The following MACROD2 variants were observed in gnomAD, a reference collection of about 807,000 sequenced individuals.
MACROD2 encodes mono-ADP ribosylhydrolase 2, also known as ADP-ribose glycohydrolase MACROD2.
Under a neutral mutation model 70.4 loss-of-function variants are expected in MACROD2, and 36 were observed. The observed-to-expected ratio is 0.51, with a 90% CI of 0.39 to 0.68. The LOEUF (loss-of-function observed/expected upper bound fraction) is 0.68. Among genes scored for constraint, MACROD2 ranks in the 30% least tolerant of loss-of-function variants. The pLI, the probability that MACROD2 is intolerant of heterozygous loss-of-function variation, is 0.00. For missense variants in MACROD2, 496 were observed against 538.4 expected (o/e 0.92, Z 0.78); for synonymous variants, 172 against 178.8 (o/e 0.96, Z 0.30).
intron 8 of MACROD2, among the ~76,000 whole-genome samples, chr20:15,774,297 T>C (rs181759903): frequency 6.6e-6 from 1 of 152,178 alleles, no homozygotes; most frequent in East Asian, 1.9e-4. Flanking sequence ...AAGAGAGTTA[T>C]GTTAATTGCT....
chr20:14,463,855 G>A (rs1216752267), intron 3 of MACROD2, among the ~76,000 whole-genome samples: 1 of 151,862 alleles, frequency 6.6e-6, no homozygotes, highest in African/African-American at 2.4e-5. Context: ...TTTGTATGTT[G>A]AACCAGCCTT....
At chr20:15,003,990 T>C (rs1406180091) in intron 5 of MACROD2, among the ~76,000 whole-genome samples, 1 of 152,112 alleles carries the variant, frequency 6.6e-6, no homozygotes, top group Non-Finnish European at 1.5e-5. Context: ...AGCATGTAGA[T>C]GGACAGCTTT....
At chr20:14,411,342 G>A (rs756614819) in intron 3 of MACROD2, among the ~76,000 whole-genome samples, 4 of 151,990 alleles carry the variant, frequency 2.6e-5, no homozygotes, top group East Asian at 1.9e-4. Context: ...GTTAGTCACC[G>A]GCATGCTTTC....
intron 3 of MACROD2, among the ~76,000 whole-genome samples, chr20:14,170,327 C>G (rs931025595): frequency 1.3e-5 from 2 of 152,130 alleles, no homozygotes; most frequent in Admixed American, 6.5e-5. Context: ...TGATTTAGAT[C>G]CCCTTTATTT....
intron 10 of MACROD2, among the ~76,000 whole-genome samples, chr20:15,912,249 G>A (rs953331518): frequency 4.6e-5 from 7 of 152,180 alleles, no homozygotes; most frequent in African/African-American, 1.7e-4. Context: ...TATATTGGCA[G>A]CCACAGGGAA....
chr20:14,359,166 C>T (rs1386863926), intron 3 of MACROD2, among the ~76,000 whole-genome samples: 2 of 151,728 alleles, frequency 1.3e-5, no homozygotes, highest in Non-Finnish European at 2.9e-5. Flanking sequence ...ACAGCCTGGG[C>T]GACAGAGCAA....
At chr20:14,985,917 G>A (rs1165717559) in intron 5 of MACROD2, among the ~76,000 whole-genome samples, 1 of 152,030 alleles carries the variant, frequency 6.6e-6, no homozygotes, top group Non-Finnish European at 1.5e-5. Flanking sequence ...GGGATTACAG[G>A]TGTGAGCCAC....
intron 3 of MACROD2, among the ~76,000 whole-genome samples, chr20:14,300,586 T>A (rs1224266552): frequency 6.6e-6 from 1 of 152,218 alleles, no homozygotes; most frequent in Non-Finnish European, 1.5e-5. Flanking sequence ...CCTTGGCCAG[T>A]CACTTATGTT....
Position 14,682,313 on chromosome 20 carries a change from T to C in MACROD2, c.302-2530T>C, listed in dbSNP as rs1239652048. On this transcript the variant is annotated intron_variant, in intron 4 of 17. Coordinates refer to ENST00000684519, the MANE Select transcript of MACROD2 (RefSeq NM_001351661.2). The stretch of plus-strand genomic sequence containing the variant: ...AAAAAATTTTCATATATAGAGAAAT[T>C]AGGACTTAATTTTTCCCTTATACAG... Among the ~76,000 whole-genome samples the C allele has an allele frequency of 7.2e-5, 11 of 152,002 alleles. 1 individual carries two copies. Among genetic ancestry groups the C allele is most frequent in the East Asian group, 1.9e-4 (1 of 5,202 alleles).
At chr20:15,718,855 T>C (rs2050744047) in intron 8 of MACROD2, among the ~76,000 whole-genome samples, 2 of 152,186 alleles carry the variant, frequency 1.3e-5, no homozygotes, top group African/African-American at 4.8e-5. Context: ...TGGATAAGAT[T>C]GTTGGTTATC....
chr20:14,825,155 C>T (rs769654057), intron 5 of MACROD2, among the ~76,000 whole-genome samples: 1 of 152,066 alleles, frequency 6.6e-6, no homozygotes, highest in Non-Finnish European at 1.5e-5. Flanking sequence ...AAAAGACTTA[C>T]CACCCGATAA....
chr20:14,052,626 T>G (rs1166618855), intron 2 of MACROD2, among the ~76,000 whole-genome samples: 2 of 152,086 alleles, frequency 1.3e-5, no homozygotes, highest in African/African-American at 4.8e-5. Context: ...ACCAGAAACT[T>G]AAGTGCCAAG....
chr20:15,506,149 C>T (rs981820026), intron 8 of MACROD2, among the ~76,000 whole-genome samples: 2 of 152,068 alleles, frequency 1.3e-5, no homozygotes, highest in African/African-American at 4.8e-5. Context: ...TAGACCTCAC[C>T]GTAAGATGCC....
At chr20:14,470,908 C>T (rs2084522654) in intron 3 of MACROD2, among the ~76,000 whole-genome samples, 1 of 152,162 alleles carries the variant, frequency 6.6e-6, no homozygotes, top group Admixed American at 6.5e-5. Flanking sequence ...TCCCTGGCTT[C>T]AGCCCCCTTT....
rs1004261635 is a variant in MACROD2 at position 15,480,003 on chromosome 20, T to A, written c.572-19771T>A. On this transcript the variant is annotated intron_variant, in intron 7 of 17. Coordinates refer to ENST00000684519, the MANE Select transcript of MACROD2 (RefSeq NM_001351661.2). ...AAGTAAAGTATGATATGAAAATTAA[T>A]CTTGTAGAAAAGTCAGCAGAACCTA... is the stretch of plus-strand genomic sequence containing the variant. Among the ~76,000 whole-genome samples, 18 of 152,228 alleles carry A rather than the reference T, an allele frequency of 1.2e-4. 1 individual carries two copies. The highest frequency in any genetic ancestry group is 4.3e-4 in the African/African-American group (18 of 41,460).
At chr20:14,233,710 AAAAGAAAAG>A (rs1406887037) in intron 3 of MACROD2, among the ~76,000 whole-genome samples, 2 of 144,742 alleles carry the variant, frequency 1.4e-5, no homozygotes, top group Admixed American at 6.9e-5. Context: ...AAAAAAAAAA[AAAAGAAAAG>A]AAAAGAAAAG....
intron 5 of MACROD2, among the ~76,000 whole-genome samples, chr20:15,128,482 C>G (rs758581062): frequency 6.6e-6 from 1 of 151,810 alleles, no homozygotes; most frequent in African/African-American, 2.4e-5. Flanking sequence ...CCTTTTCTTC[C>G]CATCACACAA....
intron 3 of MACROD2, among the ~76,000 whole-genome samples, chr20:14,215,143 T>G (rs1473591966): frequency 6.9e-6 from 1 of 144,448 alleles, no homozygotes; most frequent in Non-Finnish European, 1.5e-5. Flanking sequence ...TATATATATA[T>G]TCCATCATAT....
chr20:15,323,141 C>T (rs193117492), intron 6 of MACROD2, among the ~76,000 whole-genome samples: 3 of 152,214 alleles, frequency 2.0e-5, no homozygotes, highest in East Asian at 1.9e-4. Context: ...TTATTGAGCA[C>T]GAGGGGGCAG....
Sources: gnomAD v4.1 joint callset for allele counts (sites outside exome capture counted in the v4.1 genomes callset) on GRCh38, gnomAD v4.1.1 for gene constraint, MANE v1.5 for transcripts, NCBI Gene and HGNC (gene_info 2026-07-23, HGNC 2026-07-21) for gene names.